The following MAP3K13 variants were observed in gnomAD, a reference collection of about 807,000 sequenced individuals.
MAP3K13 encodes the protein mitogen-activated protein kinase kinase kinase 13, also known as leucine zipper-bearing kinase.
Under a neutral mutation model 104.0 loss-of-function variants are expected in MAP3K13, and 52 were observed. The ratio of observed to expected loss-of-function variants is 0.50; its 90% CI spans 0.40 to 0.63. MAP3K13 has a LOEUF of 0.63. MAP3K13 is among the 20% of genes least tolerant of loss of function. The pLI is 0.00. For synonymous variants in MAP3K13, 394 were observed against 442.2 expected (o/e 0.89, Z 1.37); for missense variants, 914 against 1,218.5 (o/e 0.75, Z 3.72).
At position 185,473,487 on chromosome 3, in the gene MAP3K13, G is replaced by T; in HGVS notation, c.2156G>T (p.Gly719Val). The change falls in exon 11 of 14, where the codon GGT (glycine) becomes GTT (valine). Residue 719 changes from glycine to valine, a missense_variant. Coordinates refer to ENST00000265026, the MANE Select transcript of MAP3K13 (RefSeq NM_004721.5). The surrounding 1 kb of genome is among the most constrained non-coding windows in gnomAD (Gnocchi z 4.9). Reference sequence around the variant, plus strand: ...TCTGAGCCTGACAAGGGCCAAGCTGGTCCCTGGGGCTGTTGCCAGGCTGAC... The same window carrying T: ...TCTGAGCCTGACAAGGGCCAAGCTGTTCCCTGGGGCTGTTGCCAGGCTGAC... ...RSSEPDKGQA[G>V]PWGCCQADAY... The T allele has an allele frequency of 3.1e-6, 5 of 1,614,216 alleles. No homozygotes were observed. Among genetic ancestry groups the T allele is most frequent in the Non-Finnish European group, 4.2e-6 (5 of 1,180,048 alleles).
At chr3:185,353,551 A>G (rs867671555) in intron 2 of MAP3K13, among the ~76,000 whole-genome samples, 1 of 152,222 alleles carries the variant, frequency 6.6e-6, no homozygotes, top group Non-Finnish European at 1.5e-5. Context: ...GGCCAAACTT[A>G]AATACATAAG....
At chr3:185,351,002 A>G (rs138012480) in intron 2 of MAP3K13, among the ~76,000 whole-genome samples, 1 of 152,212 alleles carries the variant, frequency 6.6e-6, no homozygotes, top group African/African-American at 2.4e-5. Flanking sequence ...AATGTGGTAC[A>G]TGTACACCAT....
intron 1 of MAP3K13, among the ~76,000 whole-genome samples, chr3:185,367,011 T>TAA: frequency 6.6e-6 from 1 of 152,246 alleles, no homozygotes; most frequent in African/African-American, 2.4e-5. Flanking sequence ...TGACTCAAGG[T>TAA]CATAAAGATT....
Position 185,429,045 on chromosome 3 carries a change from T to C in MAP3K13, c.464T>C (p.Leu155Ser). 1 of 1,612,068 alleles carries C rather than the reference T, an allele frequency of 6.2e-7. No individual in the cohort carries two copies. ...AAGGCATATTCCACTGATTACAAAT[T>C]GCAGCAGCAAGGTAAGCTAGAATAT... ...IGKAYSTDYK[L>S]QQQDTWEVPF... is the part of the protein sequence containing the mutation. Residue 155 changes from leucine to serine, a missense_variant, in exon 2 of 14, where the codon TTG (leucine) becomes TCG (serine). Leu to Ser is a moderately radical substitution (Grantham distance 145). Around this residue, in one of 3 missense-constraint regions of MAP3K13, gnomAD observed 175 missense variants for 321.3 expected, o/e 0.54. Transcript: ENST00000265026.
chr3:185,466,535 C>A (rs1038500864), intron 9 of MAP3K13, among the ~76,000 whole-genome samples: 1 of 151,880 alleles, frequency 6.6e-6, no homozygotes, highest in Non-Finnish European at 1.5e-5. Flanking sequence ...TGCCACCATG[C>A]CCAGCTAATT....
intron 6 of MAP3K13, 32 bp from the exon 7 acceptor site, chr3:185,451,255 T>G: frequency 6.8e-7 from 1 of 1,478,336 alleles, no homozygotes; most frequent in East Asian, 2.3e-5. Context: ...ATACAACTTC[T>G]GAAATGCACA....
chr3:185,296,586 G>A (rs951565554), intron 2 of MAP3K13, among the ~76,000 whole-genome samples: 1 of 152,126 alleles, frequency 6.6e-6, no homozygotes, highest in Non-Finnish European at 1.5e-5. Flanking sequence ...CTCACTACAT[G>A]GCATCCCTAG....
intron 4 of MAP3K13, among the ~76,000 whole-genome samples, chr3:185,447,367 T>C (rs994355345): frequency 6.6e-6 from 1 of 151,442 alleles, no homozygotes; most frequent in Non-Finnish European, 1.5e-5. Flanking sequence ...GGCAGGTGCC[T>C]GTAATTGCAG....
In MAP3K13 at chr3:185,484,184, T is replaced by C. The variant is rs1718614998; in HGVS notation, c.*1728T>C. On this transcript the variant is annotated 3_prime_UTR_variant, in exon 14 of 14. Transcript: ENST00000265026. ...AGTTTTAAATAACTGGATTTGAACATTTGTGGAAAGAACAAGGGATGCTGA... is the reference window on the plus strand; with the variant it reads ...AGTTTTAAATAACTGGATTTGAACACTTGTGGAAAGAACAAGGGATGCTGA... The C allele has an allele frequency of 6.6e-6, 1 of 152,182 alleles. No homozygotes were observed. The allele number at this position is 152,182 out of a possible 1,614,324, so 9.4% of individuals were successfully genotyped here. A position where few individuals can be genotyped will look rare whatever the true frequency, so the allele number is the denominator to read the frequency against.
At chr3:185,415,455 G>T (rs1050996947) in intron 1 of MAP3K13, among the ~76,000 whole-genome samples, 2 of 151,808 alleles carry the variant, frequency 1.3e-5, no homozygotes, top group South Asian at 2.1e-4. Context: ...ACCATGCCCT[G>T]CCCTGGTCTA....
At chr3:185,335,209 G>C (rs183214333) in intron 2 of MAP3K13, among the ~76,000 whole-genome samples, 94 of 152,260 alleles carry the variant, frequency 6.2e-4, no homozygotes, top group African/African-American at 2.1e-3. Context: ...ATTTTCTAAA[G>C]TGTTTGATCA....
upstream of MAP3K13, chr3:185,362,957 G>T (rs4075944): frequency 2.2e-5 from 2 of 90,134 alleles, no homozygotes; most frequent in Non-Finnish European, 4.4e-5. Flanking sequence ...ACACACACAC[G>T]CACACACACA....
intron 2 of MAP3K13, among the ~76,000 whole-genome samples, chr3:185,434,813 CCAAA>C (rs1234609244): frequency 2.6e-5 from 4 of 151,810 alleles, no homozygotes; most frequent in South Asian, 4.2e-4. Context: ...AAAAAGACAC[CCAAA>C]CAGTCTAATT....
Position 185,299,642 on chromosome 3 carries a change from C to A in MAP3K13, c.-86+13999C>A, listed in dbSNP as rs1721033948. Among the ~76,000 whole-genome samples the A allele has an allele frequency of 3.8e-4, 4 of 10,652 alleles. 1 individual carries two copies. Among genetic ancestry groups the A allele is most frequent in the African/African-American group, 7.2e-4 (4 of 5,558 alleles). The allele number at this position is 10,652 out of a possible 152,430, so 7.0% of individuals were successfully genotyped here. A position where few individuals can be genotyped will look rare whatever the true frequency, so the allele number is the denominator to read the frequency against. Reference sequence around the variant, plus strand: ...ACTGCAGTGGCGCAATCTCGGCTCACTGCAAGCTCCGCCTCCCGGGTTCAC... The same window carrying A: ...ACTGCAGTGGCGCAATCTCGGCTCAATGCAAGCTCCGCCTCCCGGGTTCAC... On this transcript the variant is annotated intron_variant, in intron 2 of 14. Transcript: ENST00000424227.
intron 8 of MAP3K13, among the ~76,000 whole-genome samples, chr3:185,464,093 G>A (rs890578120): frequency 1.3e-5 from 2 of 152,160 alleles, no homozygotes; most frequent in South Asian, 2.1e-4. Context: ...AGACCAGCCC[G>A]CCCAGCATGG....
chr3:185,455,061 G>T (rs62650462), intron 7 of MAP3K13, among the ~76,000 whole-genome samples: 76,612 of 87,718 alleles, frequency 0.87, 33,610 homozygotes, highest in Non-Finnish European at 0.9. Flanking sequence ...ATATATGTGA[G>T]ATATATATGA....
intron 1 of MAP3K13, among the ~76,000 whole-genome samples, chr3:185,398,447 A>G (rs1261525983): frequency 2.6e-5 from 4 of 152,204 alleles, no homozygotes; most frequent in Non-Finnish European, 5.9e-5. Flanking sequence ...GAATCTCACT[A>G]TACTTAGTGC....
In MAP3K13 at chr3:185,330,385, G is replaced by A. The variant is rs375810222; in HGVS notation, c.-86+44742G>A. On this transcript the variant is annotated intron_variant, in intron 2 of 14. Coordinates refer to the MAP3K13 transcript ENST00000424227. ...TGGTGCTGGGCCCCAACTGAATCTC[G>A]GTGAGATGGAATCCAGGACGCGTTG... 6.6e-5 allele frequency among the ~76,000 whole-genome samples: 10 copies of A among 152,106 alleles called. No individual in the cohort carries two copies. In the East Asian group the frequency reaches 1.2e-3, roughly 18 times the overall value.
At chr3:185,282,968 G>A (rs371067312), upstream of MAP3K13, 4 of 152,318 alleles carry the variant, frequency 2.6e-5, no homozygotes, top group East Asian at 7.7e-4. Flanking sequence ...GTTGTGGAGG[G>A]TGACGCCATG....
Sources: gnomAD v4.1 joint callset for allele counts (sites outside exome capture counted in the v4.1 genomes callset) on GRCh38, gnomAD v4.1.1 for gene constraint, gnomAD v4.1.1 regional missense constraint, Gnocchi (gnomAD v3.1) non-coding constraint, MANE v1.5 for transcripts, NCBI Gene and HGNC (gene_info 2026-07-23, HGNC 2026-07-21) for gene names.